DIP2B: variants seen among roughly 807,000 people sequenced by gnomAD.
The protein encoded by DIP2B is DIP2 acetate--CoA ligase B (putative), also known as disco-interacting protein 2 homolog B.
A neutral mutation model predicts 198.0 loss-of-function variants in DIP2B; 76 were observed. That is an observed-to-expected ratio of 0.38 (90% confidence interval 0.32 to 0.46). DIP2B has a LOEUF of 0.46. DIP2B is among the 20% of genes least tolerant of loss of function. DIP2B has a pLI of 0.99. For missense variants in DIP2B, 1,559 were observed against 1,978.4 expected (o/e 0.79, Z 4.02); for synonymous variants, 701 against 739.1 (o/e 0.95, Z 0.84).
intron 1 of DIP2B, among the ~76,000 whole-genome samples, chr12:50,588,135 TC>T (rs1159215993): frequency 7.3e-6 from 1 of 137,006 alleles, no homozygotes; most frequent in Non-Finnish European, 1.6e-5. Context: ...GTACTTCTTT[TC>T]TTTTTTTTTT....
intron 1 of DIP2B, among the ~76,000 whole-genome samples, chr12:50,564,453 A>G (rs935525193): frequency 3.3e-5 from 5 of 151,988 alleles, no homozygotes; most frequent in Non-Finnish European, 5.9e-5. Flanking sequence ...AACATTTCCT[A>G]TTTCTTCAGA....
At chr12:50,606,902 G>T (rs1958986842) in intron 1 of DIP2B, among the ~76,000 whole-genome samples, 1 of 151,880 alleles carries the variant, frequency 6.6e-6, no homozygotes, top group Non-Finnish European at 1.5e-5. Flanking sequence ...GACCTTCTGG[G>T]CTGAAATGAT....
rs528994899 is a variant in DIP2B, at chr12:50,628,609, C to T, written c.172+2562C>T. 6.6e-5 allele frequency among the ~76,000 whole-genome samples: 10 copies of T among 152,226 alleles called. No homozygotes were observed. In the South Asian group the frequency reaches 1.5e-3, roughly 22 times the overall value. ...GTACAGTCACTCTCTCAGCCATATTCGTCCCTCAGCAGTTCATCATGCTTA... is the reference window on the plus strand; with the variant it reads ...GTACAGTCACTCTCTCAGCCATATTTGTCCCTCAGCAGTTCATCATGCTTA... On this transcript the variant is annotated intron_variant, in intron 2 of 37. Transcript: ENST00000301180.
At position 50,582,010 on chromosome 12, in the gene DIP2B, C is replaced by A. The variant is rs369179066; in HGVS notation, c.101-43966C>A. Among the ~76,000 whole-genome samples the A allele has an allele frequency of 1.1e-3, 173 of 152,234 alleles. 1 individual carries two copies. Among genetic ancestry groups the A allele is most frequent in the South Asian group, 7.3e-3 (35 of 4,818 alleles). On this transcript the variant is annotated intron_variant, in intron 1 of 37. Transcript: ENST00000301180. ...GTTAGGCCCCCTTGTCTCAGGCAGCCCTGGACCTGGGCAGGCCTCCTGCAG... is the reference window on the plus strand; with the variant it reads ...GTTAGGCCCCCTTGTCTCAGGCAGCACTGGACCTGGGCAGGCCTCCTGCAG...
intron 1 of DIP2B, among the ~76,000 whole-genome samples, chr12:50,515,878 C>A (rs1366214622): frequency 6.6e-6 from 1 of 152,170 alleles, no homozygotes; most frequent in Non-Finnish European, 1.5e-5. Context: ...CCACCCCTGC[C>A]CCCACCTCCC....
At chr12:50,515,135 C>T (rs1360889138) in intron 1 of DIP2B, among the ~76,000 whole-genome samples, 3 of 152,096 alleles carry the variant, frequency 2.0e-5, no homozygotes, top group Non-Finnish European at 4.4e-5. Flanking sequence ...CCTCATTAAG[C>T]TTCTGAAACA....
At position 50,648,577 on chromosome 12, in the gene DIP2B, A is replaced by G. The variant is rs373264073; in HGVS notation, c.301+7725A>G. On this transcript the variant is annotated intron_variant, in intron 3 of 37. Transcript: ENST00000301180. ...ACGGGTTTTCACTGTGTTAGCCAGG[A>G]TGGTCTCGATCTCCTGGCCTCGTGA... is the stretch of plus-strand genomic sequence containing the variant. 1.1e-4 allele frequency among the ~76,000 whole-genome samples: 16 copies of G among 150,950 alleles called. No homozygotes were observed. The East Asian group carries it at 1.4e-3, about 13-fold the overall frequency.
At chr12:50,510,042 C>T (rs1447106116) in intron 1 of DIP2B, among the ~76,000 whole-genome samples, 5 of 152,188 alleles carry the variant, frequency 3.3e-5, no homozygotes. Flanking sequence ...TGAAAATCCT[C>T]ATGGTGGCAG....
chr12:50,735,477 G>GTTTTTTGT lies in DIP2B; in HGVS notation c.4101+353_4101+354insGTTTTTTT, dbSNP rs1555196116. 3.7e-5 allele frequency among the ~76,000 whole-genome samples: 5 copies of GTTTTTTGT among 136,714 alleles called. No individual in the cohort carries two copies. In the East Asian group the frequency reaches 5.9e-4, roughly 16 times the overall value. 89.7% of individuals were successfully genotyped at this position (136,714 alleles called of 152,430 possible). On this transcript the variant is annotated intron_variant, in intron 34 of 37. Transcript: ENST00000301180. ...TTTGTTTTTTTGTTTTTTGTTTTTT[G>GTTTTTTGT]TTTTTTTTGAGATGGAGTCTCACTC...
At chr12:50,511,528 A>T (rs1025203906) in intron 1 of DIP2B, among the ~76,000 whole-genome samples, 1 of 149,446 alleles carries the variant, frequency 6.7e-6, no homozygotes, top group African/African-American at 2.5e-5. Context: ...CCTGACCTCA[A>T]ATGATCCACC....
chr12:50,705,618 T>A (rs776054341), intron 20 of DIP2B, among the ~76,000 whole-genome samples: 8 of 152,254 alleles, frequency 5.3e-5, no homozygotes, highest in Non-Finnish European at 1.2e-4. Flanking sequence ...CTAAAAATTA[T>A]CCTACTGTGA....
chr12:50,669,321 C>T (rs1938809445), intron 4 of DIP2B, among the ~76,000 whole-genome samples: 1 of 152,128 alleles, frequency 6.6e-6, no homozygotes, highest in South Asian at 2.1e-4. Flanking sequence ...TTTTAAAAAG[C>T]AAAAACAGTC....
At chr12:50,716,432 GCAGGAGAATGGCGTGAACCTGGGAGA>G (rs960881583) in intron 23 of DIP2B, among the ~76,000 whole-genome samples, 6 of 152,124 alleles carry the variant, frequency 3.9e-5, no homozygotes, top group African/African-American at 1.4e-4. Flanking sequence ...AACCCGGGAG[GCAGGAGAATGGCGTGAACCTGGGAGA>G]CGGAGCTTGC....
Position 50,695,265 on chromosome 12 carries a change from A to G in DIP2B, c.1720-2A>G. 6.2e-7 allele frequency: 1 copy of G among 1,611,086 alleles called. No homozygotes were observed. Among genetic ancestry groups the G allele is most frequent in the Non-Finnish European group, 8.5e-7 (1 of 1,178,664 alleles). On this transcript the variant is annotated splice_acceptor_variant, in intron 14 of 37. Coordinates refer to ENST00000301180, the MANE Select transcript of DIP2B (RefSeq NM_173602.3). LOFTEE classifies it high-confidence loss of function. ...TACTTTTCTTCTTTCTTTGTTTTTC[A>G]GAATGTAATGAATAAGATGCACACA...
chr12:50,553,593 A>G (rs535227157), intron 1 of DIP2B, among the ~76,000 whole-genome samples: 3 of 152,328 alleles, frequency 2.0e-5, no homozygotes, highest in East Asian at 3.9e-4. Flanking sequence ...CTGACGGCCA[A>G]TATAAAGTAT....
chr12:50,684,946 G>A (rs1329131097), intron 10 of DIP2B, among the ~76,000 whole-genome samples: 1 of 152,084 alleles, frequency 6.6e-6, no homozygotes, highest in East Asian at 1.9e-4. Context: ...ACAAAAATTA[G>A]CCAGGCATGG....
chr12:50,568,827 T>C (rs1024100373), intron 1 of DIP2B, among the ~76,000 whole-genome samples: 6 of 152,288 alleles, frequency 3.9e-5, no homozygotes, highest in African/African-American at 1.4e-4. Flanking sequence ...TGATAAAAAA[T>C]TATTATTCCA....
At chr12:50,587,605 A>T (rs1958782058) in intron 1 of DIP2B, among the ~76,000 whole-genome samples, 1 of 152,174 alleles carries the variant, frequency 6.6e-6, no homozygotes, top group African/African-American at 2.4e-5. Context: ...ATACTCTCTC[A>T]GTATTTCAGT....
chr12:50,689,741 A>G (rs1022830517), intron 12 of DIP2B, among the ~76,000 whole-genome samples: 8 of 152,192 alleles, frequency 5.3e-5, no homozygotes, highest in African/African-American at 1.9e-4. Flanking sequence ...AAGATAGAGA[A>G]CAAGGAGTTA....
Sources: allele counts gnomAD v4.1 joint callset (sites outside exome capture counted in the v4.1 genomes callset), GRCh38; gene constraint gnomAD v4.1.1; transcripts MANE v1.5; gene names NCBI Gene and HGNC (gene_info 2026-07-23, HGNC 2026-07-21).